The following GK variants were observed in gnomAD, a reference collection of about 807,000 sequenced individuals.
GK encodes the protein ATP:glycerol 3-phosphotransferase.
GK carries 9 observed loss-of-function variants against 56.4 expected under a neutral mutation model. The ratio of observed to expected loss-of-function variants is 0.16; its 90% CI spans 0.10 to 0.28. The LOEUF (loss-of-function observed/expected upper bound fraction) is 0.28. Ranked by LOEUF, GK falls within the 10% of genes least tolerant of loss-of-function variation. The probability of loss-of-function intolerance (pLI) is 1.00; values close to 1 mark genes in which losing one functional copy is unlikely to be tolerated. For missense variants in GK, 161 were observed against 431.4 expected (o/e 0.37, Z 5.55); for synonymous variants, 104 against 144.1 (o/e 0.72, Z 1.99).
chrX:30,677,077 T>C (rs1467872724), intron 3 of GK, among the ~76,000 whole-genome samples: 1 of 111,893 alleles, frequency 8.9e-6, no homozygotes, highest in Non-Finnish European at 1.9e-5. Context: ...GTGAAGTTAT[T>C]GCATTCCTTA....
chrX:30,722,017 T>C (rs1298331312), intron 18 of GK: 2 of 111,832 alleles, frequency 1.8e-5, no homozygotes, highest in African/African-American at 6.5e-5. Context: ...TCTCTTGGCT[T>C]GGGCCCAGGA....
intron 18 of GK, among the ~76,000 whole-genome samples, chrX:30,721,392 T>A (rs1283556863): frequency 1.9e-5 from 2 of 107,866 alleles, no homozygotes; most frequent in Admixed American, 9.9e-5. Flanking sequence ...CCCGGGTTCA[T>A]GCCATTCTCC....
chrX:30,712,529 A>T (rs1321107526), intron 13 of GK, among the ~76,000 whole-genome samples: 1 of 106,699 alleles, frequency 9.4e-6, no homozygotes, highest in Admixed American at 1.0e-4. Flanking sequence ...GTTATTTTTC[A>T]CATCCACCTG....
intron 2 of GK, among the ~76,000 whole-genome samples, chrX:30,666,303 T>G (rs1418587166): frequency 8.9e-6 from 1 of 112,197 alleles, no homozygotes; most frequent in Non-Finnish European, 1.9e-5. Flanking sequence ...TTTAAAAAAG[T>G]GGACAGATAC....
intron 5 of GK, among the ~76,000 whole-genome samples, chrX:30,692,952 C>T (rs1935043922): frequency 9.5e-6 from 1 of 105,585 alleles, no homozygotes; most frequent in South Asian, 4.1e-4. Context: ...AATAAGAATA[C>T]AGATGGGGAG....
At chrX:30,717,684 T>C (rs1289250493) in intron 13 of GK, among the ~76,000 whole-genome samples, 9 of 112,306 alleles carry the variant, frequency 8.0e-5, no homozygotes, top group African/African-American at 1.3e-4. Flanking sequence ...CCAATAATAC[T>C]CCATTGTGTA....
At position 30,696,570 on chromosome X, in the gene GK, A is replaced by G. The variant is rs748488476; in HGVS notation, c.663-47A>G. ...TTTAAATACATATAAATGTTTCTAG[A>G]TGTCTATTTAAAACAGTGTTAAATA... On this transcript the variant is annotated intron_variant, in intron 7 of 20. Transcript: ENST00000427190. 6 of 850,317 alleles carry G rather than the reference A, an allele frequency of 7.1e-6. No homozygotes were observed. The East Asian group carries it at 1.9e-4, about 26-fold the overall frequency. The allele number at this position is 850,317 out of a possible 1,213,427, so 70.1% of individuals were successfully genotyped here.
intron 3 of GK, among the ~76,000 whole-genome samples, chrX:30,671,328 G>A (rs1167929841): frequency 9.5e-6 from 1 of 104,877 alleles, no homozygotes; most frequent in Non-Finnish European, 1.9e-5. Context: ...ACACTGTAAA[G>A]GATCTTCAGT....
intron 3 of GK, 108 bp from the exon 4 acceptor site, chrX:30,677,267 G>T: frequency 1.3e-5 from 7 of 537,284 alleles, no homozygotes; most frequent in Middle Eastern, 5.0e-4. Flanking sequence ...GTATTTTTTT[G>T]ATTTGCTATG....
chrX:30,693,573 G>A (rs1569158685), intron 5 of GK, among the ~76,000 whole-genome samples: 1 of 110,632 alleles, frequency 9.0e-6, no homozygotes. Flanking sequence ...TTTTGAGACA[G>A]AGTCTCGCTC....
intron 6 of GK, chrX:30,695,040 C>T (rs1254474377): frequency 2.7e-6 from 1 of 364,849 alleles, no homozygotes. Flanking sequence ...AACCTATGGC[C>T]AATCTTATTT....
intron 4 of GK, among the ~76,000 whole-genome samples, chrX:30,681,482 A>C (rs1441591613): frequency 8.9e-6 from 1 of 112,125 alleles, no homozygotes; most frequent in South Asian, 3.7e-4. Flanking sequence ...AAGGTGAAGA[A>C]GTTTAATATA....
intron 13 of GK, among the ~76,000 whole-genome samples, chrX:30,713,023 C>T (rs1936430878): frequency 9.0e-6 from 1 of 111,508 alleles, no homozygotes; most frequent in South Asian, 3.7e-4. Context: ...CGTGAGCCAC[C>T]GCGCCCGGCC....
chrX:30,692,894 A>T (rs953552352), intron 5 of GK, among the ~76,000 whole-genome samples: 3 of 109,672 alleles, frequency 2.7e-5, no homozygotes, highest in Admixed American at 9.8e-5. Flanking sequence ...AACCATACTC[A>T]TATGAGATAG....
intron 1 of GK, among the ~76,000 whole-genome samples, chrX:30,659,280 G>A (rs193006728): frequency 5.3e-5 from 6 of 112,218 alleles, no homozygotes; most frequent in South Asian, 7.3e-4. Flanking sequence ...TGATCTACCC[G>A]CCTCGGCCTC....
chrX:30,701,238 C>T (rs1314315763), intron 11 of GK, among the ~76,000 whole-genome samples: 1 of 110,711 alleles, frequency 9.0e-6, no homozygotes, highest in East Asian at 2.8e-4. Context: ...GGAGAAACCC[C>T]ATCTCTACTA....
chrX:30,663,094 G>C (rs763040358), intron 1 of GK, among the ~76,000 whole-genome samples: 2 of 109,675 alleles, frequency 1.8e-5, no homozygotes, highest in African/African-American at 6.6e-5. Flanking sequence ...TGTTGGCCAG[G>C]GTGGTCTCAA....
chrX:30,728,542 C>T (rs1937238371), intron 20 of GK, among the ~76,000 whole-genome samples, 190 bp from the exon 21 acceptor site: 1 of 111,707 alleles, frequency 9.0e-6, no homozygotes, highest in Non-Finnish European at 1.9e-5. Flanking sequence ...CCTTGGTAAA[C>T]GATTAGCAAC....
intron 19 of GK, 60 bp downstream of exon 19, chrX:30,724,241 G>C (rs1937039929): frequency 5.7e-6 from 4 of 699,223 alleles, no homozygotes; most frequent in Non-Finnish European, 6.8e-6. Flanking sequence ...AGTTATTTAA[G>C]TATCTAGGCA....
Sources: allele counts gnomAD v4.1 joint callset (sites outside exome capture counted in the v4.1 genomes callset), GRCh38; gene constraint gnomAD v4.1.1; transcripts MANE v1.5; gene names NCBI Gene and HGNC (gene_info 2026-07-23, HGNC 2026-07-21).